Variants in LAMA2 observed in about 807,000 individuals in gnomAD.
LAMA2 encodes laminin subunit alpha-2.
In LAMA2, 269 loss-of-function variants were observed where a neutral mutation model predicts 364.8. The ratio of observed to expected loss-of-function variants is 0.74; its 90% CI spans 0.67 to 0.82. The LOEUF (loss-of-function observed/expected upper bound fraction) is 0.82, where lower values mean the gene tolerates loss of function less well. Among genes scored for constraint, LAMA2 ranks in the 40% least tolerant of loss-of-function variants. The probability of loss-of-function intolerance (pLI) is 0.00; values close to 1 mark genes in which losing one functional copy is unlikely to be tolerated. For missense variants in LAMA2, 3,807 were observed against 3,873.2 expected, an observed-to-expected ratio of 0.98 and a Z score of 0.45; for synonymous variants, 1,379 against 1,370.6, an observed-to-expected ratio of 1.01 and a Z score of -0.14.
chr6:129,379,660 C>T (rs367717081), intron 34 of LAMA2, among the ~76,000 whole-genome samples: 4 of 152,128 alleles, frequency 2.6e-5, no homozygotes, highest in African/African-American at 9.7e-5. Flanking sequence ...CGTGGAACTT[C>T]GTGTGTATTC....
intron 64 of LAMA2, 101 bp from the exon 65 acceptor site, chr6:129,516,089 A>C (rs1055586910): frequency 2.4e-6 from 3 of 1,274,112 alleles, no homozygotes; most frequent in Non-Finnish European, 3.4e-6. Flanking sequence ...ATAAAACAGC[A>C]TTCCAATTTA....
chr6:129,100,355 A>G (rs1463364548), intron 4 of LAMA2, among the ~76,000 whole-genome samples: 3 of 152,196 alleles, frequency 2.0e-5, no homozygotes, highest in Admixed American at 1.3e-4. Context: ...CCTTACGTCT[A>G]TTTGTCACTC....
At chr6:129,500,189 A>G (rs1785520750) in intron 58 of LAMA2, among the ~76,000 whole-genome samples, 1 of 152,324 alleles carries the variant, frequency 6.6e-6, no homozygotes, top group South Asian at 2.1e-4. Flanking sequence ...TTTTTGTCCC[A>G]TTTAAATCCT....
intron 47 of LAMA2, 21 bp downstream of exon 47, chr6:129,454,309 T>C: frequency 3.1e-6 from 5 of 1,590,052 alleles, no homozygotes; most frequent in Non-Finnish European, 4.3e-6. Flanking sequence ...TAATAAAGAT[T>C]AAGATAATTA....
chr6:129,319,822 A>G (rs1468525900), intron 27 of LAMA2, among the ~76,000 whole-genome samples: 1 of 152,166 alleles, frequency 6.6e-6, no homozygotes, highest in Non-Finnish European at 1.5e-5. Context: ...GAGCTAGAGA[A>G]AAGAAAATGT....
At chr6:129,150,562 G>A (rs769563527) in intron 7 of LAMA2, among the ~76,000 whole-genome samples, 1 of 151,964 alleles carries the variant, frequency 6.6e-6, no homozygotes, top group Non-Finnish European at 1.5e-5. Context: ...AAAAACAATC[G>A]AGCAACTTGT....
At chr6:129,018,740 C>T (rs1404723597) in intron 1 of LAMA2, among the ~76,000 whole-genome samples, 1 of 152,008 alleles carries the variant, frequency 6.6e-6, no homozygotes, top group Non-Finnish European at 1.5e-5. Flanking sequence ...TACTTATACT[C>T]CATCTTCAGT....
At chr6:128,987,106 T>C (rs1304054666) in intron 1 of LAMA2, among the ~76,000 whole-genome samples, 2 of 151,346 alleles carry the variant, frequency 1.3e-5, no homozygotes, top group Non-Finnish European at 2.9e-5. Context: ...CTTTTTGTCA[T>C]TGCATCTTTA....
chr6:129,086,432 T>C (rs1247345842), intron 3 of LAMA2, among the ~76,000 whole-genome samples: 1 of 152,130 alleles, frequency 6.6e-6, no homozygotes, highest in Non-Finnish European at 1.5e-5. Context: ...GGTGGTAAAA[T>C]AAAGGCAAAC....
chr6:129,114,090 A>G (rs1039399131), intron 4 of LAMA2, among the ~76,000 whole-genome samples: 1 of 152,056 alleles, frequency 6.6e-6, no homozygotes, highest in African/African-American at 2.4e-5. Flanking sequence ...ATAAAGAAAT[A>G]GCATCTTCAG....
intron 51 of LAMA2, among the ~76,000 whole-genome samples, chr6:129,470,408 C>T (rs2114818940): frequency 6.6e-6 from 1 of 151,998 alleles, no homozygotes; most frequent in African/African-American, 2.4e-5. Flanking sequence ...ACATTTAAGT[C>T]ATCAATACAT....
intron 28 of LAMA2, among the ~76,000 whole-genome samples, chr6:129,323,601 C>A (rs1284552673): frequency 6.6e-6 from 1 of 152,018 alleles, no homozygotes; most frequent in African/African-American, 2.4e-5. Context: ...GGTGTTGGAG[C>A]CATTGAGTTT....
rs746294400 is a variant in LAMA2, at chr6:129,445,648, C to G, written c.6275-19C>G. The G allele has an allele frequency of 1.2e-6, 2 of 1,612,232 alleles. No homozygotes were observed. The highest frequency in any genetic ancestry group is 4.5e-5 in the East Asian group (2 of 44,822). ...GTGTGTGCATGCATATACATGCACA[C>G]TAATTTTGTTCTATGCAGTTGCCGA... On this transcript the variant is annotated intron_variant, in intron 44 of 64. Coordinates refer to ENST00000421865, the MANE Select transcript of LAMA2 (RefSeq NM_000426.4).
At chr6:129,319,252 T>A (rs997012227) in intron 27 of LAMA2, among the ~76,000 whole-genome samples, 3 of 152,176 alleles carry the variant, frequency 2.0e-5, no homozygotes, top group African/African-American at 7.2e-5. Flanking sequence ...TTCAAAGCAA[T>A]TTCACCAGTG....
chr6:129,291,586 TG>T, intron 19 of LAMA2, 27 bp from the exon 20 acceptor site: 2 of 1,554,820 alleles, frequency 1.3e-6, no homozygotes, highest in Non-Finnish European at 1.8e-6. Flanking sequence ...AAAGTTTTCC[TG>T]ATCACAGGTC....
At chr6:129,014,257 G>C (rs550455869) in intron 1 of LAMA2, among the ~76,000 whole-genome samples, 5 of 152,288 alleles carry the variant, frequency 3.3e-5, no homozygotes, top group Admixed American at 2.0e-4. Context: ...TATGCCATCT[G>C]TTCTGGCTAT....
chr6:129,014,485 C>T (rs1784959214), intron 1 of LAMA2, among the ~76,000 whole-genome samples: 1 of 152,118 alleles, frequency 6.6e-6, no homozygotes, highest in African/African-American at 2.4e-5. Context: ...TCATCCTATT[C>T]TCCAGATTTC....
At chr6:129,027,342 C>T (rs1785894608) in intron 1 of LAMA2, among the ~76,000 whole-genome samples, 2 of 152,014 alleles carry the variant, frequency 1.3e-5, no homozygotes, top group Non-Finnish European at 2.9e-5. Context: ...CATATTTTCA[C>T]CCCACTGATA....
At chr6:129,082,270 CTG>C (rs1774108813) in intron 3 of LAMA2, among the ~76,000 whole-genome samples, 1 of 152,052 alleles carries the variant, frequency 6.6e-6, no homozygotes, top group African/African-American at 2.4e-5. Context: ...TTTCTCATCT[CTG>C]AGCTTTCCTG....
Sources: gnomAD v4.1 joint callset for allele counts (sites outside exome capture counted in the v4.1 genomes callset) on GRCh38, gnomAD v4.1.1 for gene constraint, MANE v1.5 for transcripts, NCBI Gene and HGNC (gene_info 2026-07-23, HGNC 2026-07-21) for gene names.